TNNI3K: variants seen among roughly 807,000 people sequenced by gnomAD.
TNNI3K encodes the protein TNNI3 interacting kinase, also known as serine/threonine-protein kinase TNNI3K.
TNNI3K carries 140 observed loss-of-function variants against 114.5 expected under a neutral mutation model. The observed-to-expected ratio is 1.22, with a 90% CI of 1.07 to 1.41. The LOEUF (loss-of-function observed/expected upper bound fraction) is 1.41, where lower values mean the gene tolerates loss of function less well. TNNI3K is among the 40% of genes most tolerant of loss of function. The pLI is 0.00. For missense variants in TNNI3K, 1,125 were observed against 1,007.6 expected, an observed-to-expected ratio of 1.12 and a Z score of -1.58; for synonymous variants, 347 against 347.5, an observed-to-expected ratio of 1.00 and a Z score of 0.02.
At chr1:74,358,853 A>G (rs1661797857) in intron 11 of TNNI3K, among the ~76,000 whole-genome samples, 1 of 152,064 alleles carries the variant, frequency 6.6e-6, no homozygotes, top group Non-Finnish European at 1.5e-5. Context: ...TTTTTGAAAT[A>G]TAATAACGTA....
intron 4 of TNNI3K, among the ~76,000 whole-genome samples, chr1:74,252,512 G>A (rs1007282101): frequency 2.0e-5 from 3 of 152,146 alleles, no homozygotes; most frequent in Non-Finnish European, 2.9e-5. Context: ...TGGATTCTTG[G>A]TCTCACTCAC....
chr1:74,339,271 A>G (rs1660634645), intron 7 of TNNI3K, among the ~76,000 whole-genome samples: 1 of 152,160 alleles, frequency 6.6e-6, no homozygotes, highest in Non-Finnish European at 1.5e-5. Context: ...ATTATTTTAT[A>G]AAGTCAAGAG....
At chr1:74,292,155 T>A (rs1657717084) in intron 5 of TNNI3K, among the ~76,000 whole-genome samples, 1 of 151,514 alleles carries the variant, frequency 6.6e-6, no homozygotes, top group Non-Finnish European at 1.5e-5. Context: ...AATCAGAAGT[T>A]TAGCAATTTT....
At chr1:74,327,008 G>C (rs1288993911) in intron 5 of TNNI3K, among the ~76,000 whole-genome samples, 1 of 151,484 alleles carries the variant, frequency 6.6e-6, no homozygotes, top group Non-Finnish European at 1.5e-5. Context: ...TTAAACCTGG[G>C]AGGTGGAGGT....
At chr1:74,297,537 G>GTGTGTGTC (rs1270344636) in intron 5 of TNNI3K, among the ~76,000 whole-genome samples, 1 of 150,400 alleles carries the variant, frequency 6.6e-6, no homozygotes, top group African/African-American at 2.4e-5. Flanking sequence ...GTGTGTGTGT[G>GTGTGTGTC]TGTGTGTGTG....
chr1:74,534,908 T>C (rs1384893211), intron 23 of TNNI3K, among the ~76,000 whole-genome samples: 1 of 152,188 alleles, frequency 6.6e-6, no homozygotes, highest in Admixed American at 6.5e-5. Flanking sequence ...CTAAATGCAA[T>C]GGTTCCTTCA....
chr1:74,329,767 G>A (rs373646974), intron 5 of TNNI3K, among the ~76,000 whole-genome samples: 34 of 151,884 alleles, frequency 2.2e-4, no homozygotes, highest in African/African-American at 5.6e-4. Flanking sequence ...TTAATTCCTG[G>A]TTCTCCATTT....
At chr1:74,257,275 A>T (rs571122225) in intron 4 of TNNI3K, among the ~76,000 whole-genome samples, 36 of 152,100 alleles carry the variant, frequency 2.4e-4, no homozygotes, top group Non-Finnish European at 4.6e-4. Flanking sequence ...ATGATGACAC[A>T]TCTGTTATTT....
chr1:74,487,386 T>C (rs192820791), intron 21 of TNNI3K, among the ~76,000 whole-genome samples: 28 of 152,184 alleles, frequency 1.8e-4, no homozygotes, highest in Admixed American at 8.5e-4. Context: ...AGGTACAAAA[T>C]AGCCATCCGA....
intron 22 of TNNI3K, among the ~76,000 whole-genome samples, chr1:74,490,555 C>G (rs1669016047): frequency 6.6e-6 from 1 of 152,174 alleles, no homozygotes; most frequent in Non-Finnish European, 1.5e-5. Flanking sequence ...TATTTATACT[C>G]TCTCCCCAAG....
At chr1:74,517,414 C>T (rs1646365059) in intron 23 of TNNI3K, among the ~76,000 whole-genome samples, 1 of 152,172 alleles carries the variant, frequency 6.6e-6, no homozygotes, top group African/African-American at 2.4e-5. Context: ...TATGTCAAAC[C>T]TTCAAACACT....
intron 5 of TNNI3K, among the ~76,000 whole-genome samples, chr1:74,313,152 C>T (rs1659094311): frequency 6.6e-6 from 1 of 152,198 alleles, no homozygotes. Context: ...CCTACATGTT[C>T]TCCTAAGATG....
At chr1:74,516,128 CT>C (rs1201764024) in intron 23 of TNNI3K, among the ~76,000 whole-genome samples, 2 of 152,188 alleles carry the variant, frequency 1.3e-5, no homozygotes, top group Non-Finnish European at 2.9e-5. Flanking sequence ...CAAATCATCC[CT>C]GTTCTTATTG....
At position 74,436,063 on chromosome 1, in the gene TNNI3K, T is replaced by G; in HGVS notation, c.1773-17T>G. 1 of 1,579,784 alleles carries G rather than the reference T, an allele frequency of 6.3e-7. No homozygotes were observed. The highest frequency in any genetic ancestry group is 8.6e-7 in the Non-Finnish European group (1 of 1,167,830). On this transcript the variant is annotated splice_polypyrimidine_tract_variant and intron_variant, in intron 17 of 24. Coordinates refer to ENST00000326637, the MANE Select transcript of TNNI3K (RefSeq NM_015978.3). ...AGCTTACTCAATGTCTACTTTTTTT[T>G]TTTTTTTTTTTTACAGTCACAATAT... is the stretch of plus-strand genomic sequence containing the variant.
At chr1:74,451,503 C>A (rs191745638) in intron 20 of TNNI3K, among the ~76,000 whole-genome samples, 1 of 151,768 alleles carries the variant, frequency 6.6e-6, no homozygotes, top group East Asian at 1.9e-4. Flanking sequence ...ACTAAATTTA[C>A]TTCTCCATCC....
intron 11 of TNNI3K, among the ~76,000 whole-genome samples, chr1:74,365,865 CT>C (rs1557522936): frequency 6.6e-6 from 1 of 151,748 alleles, no homozygotes; most frequent in African/African-American, 2.4e-5. Context: ...GAATAGAAAG[CT>C]GGAGATGATA....
At chr1:74,245,069 A>G (rs1010152661) in intron 2 of TNNI3K, among the ~76,000 whole-genome samples, 1 of 152,220 alleles carries the variant, frequency 6.6e-6, no homozygotes, top group African/African-American at 2.4e-5. Context: ...ATCTGAAAGT[A>G]AACTCATTTC....
chr1:74,358,649 T>A (rs1485768481), intron 11 of TNNI3K, among the ~76,000 whole-genome samples: 2 of 152,072 alleles, frequency 1.3e-5, no homozygotes, highest in African/African-American at 4.8e-5. Context: ...GTTACTTAGT[T>A]TAGTGATACT....
chr1:74,353,691 T>C (rs929379058), intron 10 of TNNI3K, among the ~76,000 whole-genome samples: 21 of 151,908 alleles, frequency 1.4e-4, no homozygotes, highest in Admixed American at 3.3e-4. Flanking sequence ...CCTTTATTTG[T>C]GTAAAGATGC....
Sources: allele counts gnomAD v4.1 joint callset (sites outside exome capture counted in the v4.1 genomes callset), GRCh38; gene constraint gnomAD v4.1.1; transcripts MANE v1.5; gene names NCBI Gene and HGNC (gene_info 2026-07-23, HGNC 2026-07-21).